NRXN3: variants seen among roughly 807,000 people sequenced by gnomAD.
NRXN3 encodes neurexin 3, also known as neurexin III.
NRXN3 carries 32 observed loss-of-function variants against 137.6 expected under a neutral mutation model. The ratio of observed to expected loss-of-function variants is 0.23; its 90% CI spans 0.18 to 0.31. NRXN3 has a LOEUF of 0.31. Ranked by LOEUF, NRXN3 falls within the 10% of genes least tolerant of loss-of-function variation. The pLI is 1.00. For synonymous variants in NRXN3, 798 were observed against 784.5 expected (o/e 1.02, Z -0.29); for missense variants, 1,574 against 2,062.5 (o/e 0.76, Z 4.59).
intron 4 of NRXN3, among the ~76,000 whole-genome samples, chr14:78,363,315 A>T (rs542402005): frequency 1.4e-4 from 22 of 152,332 alleles, no homozygotes; most frequent in African/African-American, 5.0e-4. Context: ...TTGGCAAATG[A>T]TAGCTATGCC....
At chr14:78,299,856 C>T (rs1003892816) in intron 4 of NRXN3, among the ~76,000 whole-genome samples, 2 of 152,214 alleles carry the variant, frequency 1.3e-5, no homozygotes, top group Non-Finnish European at 2.9e-5. Flanking sequence ...GTGAATTCCT[C>T]TTTTGAGAGG....
At chr14:78,314,950 C>CCTTT (rs2078483746) in intron 4 of NRXN3, among the ~76,000 whole-genome samples, 7 of 59,530 alleles carry the variant, frequency 1.2e-4, no homozygotes, top group African/African-American at 4.6e-4. Flanking sequence ...TTTCTTCCTT[C>CCTTT]CTTCCTTCCT....
intron 4 of NRXN3, among the ~76,000 whole-genome samples, chr14:78,544,710 A>G (rs2096622219): frequency 6.6e-6 from 1 of 152,234 alleles, no homozygotes; most frequent in Admixed American, 6.5e-5. Context: ...CTCTCTGGCA[A>G]CACATTACTG....
In NRXN3 at chr14:78,457,739, C is replaced by A. The variant is rs528180793; in HGVS notation, c.757+159879C>A. Among the ~76,000 whole-genome samples the A allele has an allele frequency of 3.3e-5, 5 of 152,218 alleles. No individual in the cohort carries two copies. In the East Asian group the frequency reaches 9.7e-4, roughly 29 times the overall value. On this transcript the variant is annotated intron_variant, in intron 4 of 20. Coordinates refer to ENST00000335750, the MANE Select transcript of NRXN3 (RefSeq NM_001330195.2). The stretch of plus-strand genomic sequence containing the variant: ...GATATATATGTGTGTATAGATATAT[C>A]TGTATATGTGCATACACACGTACCC...
At chr14:78,260,637 A>G (rs148870125) in intron 2 of NRXN3, among the ~76,000 whole-genome samples, 239 of 152,306 alleles carry the variant, frequency 1.6e-3, no homozygotes, top group African/African-American at 5.6e-3. Flanking sequence ...ATGATAGTGA[A>G]TAAGTCCCCC....
At chr14:78,794,665 C>G (rs58586783) in intron 8 of NRXN3, among the ~76,000 whole-genome samples, 2 of 150,356 alleles carry the variant, frequency 1.3e-5, no homozygotes, top group African/African-American at 4.9e-5. Flanking sequence ...AGAAAAGTAC[C>G]TAGAAATATG....
intron 16 of NRXN3, among the ~76,000 whole-genome samples, chr14:79,604,783 G>A (rs1218401570): frequency 6.6e-6 from 1 of 152,090 alleles, no homozygotes; most frequent in Non-Finnish European, 1.5e-5. Context: ...TATAATCCCA[G>A]CACTTTGGGA....
chr14:79,025,740 T>C (rs1297637617), intron 15 of NRXN3, among the ~76,000 whole-genome samples: 2 of 152,200 alleles, frequency 1.3e-5, no homozygotes, highest in African/African-American at 2.4e-5. Flanking sequence ...GATGGGTGAC[T>C]GTTCAGCTGA....
rs141322779 is a variant in NRXN3 at position 79,340,753 on chromosome 14, C to T, written c.3263-126468C>T. Among the ~76,000 whole-genome samples the T allele has an allele frequency of 7.4e-3, 1,122 of 152,318 alleles. 12 individuals carry two copies. The highest frequency in any genetic ancestry group is 0.025 in the African/African-American group (1,056 of 41,578). On this transcript the variant is annotated intron_variant, in intron 15 of 20. Coordinates refer to ENST00000335750, the MANE Select transcript of NRXN3 (RefSeq NM_001330195.2). ...TGCTGGGATTACAGGCGTAAGCCAC[C>T]GCGCCTGGCCTGACATTGTTTAATT...
rs141547277 is a variant in NRXN3, at chr14:79,463,059, G to A, written c.3263-4162G>A. Among the ~76,000 whole-genome samples, 402 of 152,028 alleles carry A rather than the reference G, an allele frequency of 2.6e-3. 3 individuals carry two copies. In the Middle Eastern group the frequency reaches 0.065, roughly 24 times the overall value. Reference sequence around the variant, plus strand: ...CCCATGCCATAAAGGCAGGGCCAGGGGGTTTCTAAGTCAAAACAACAACAA... The same window carrying A: ...CCCATGCCATAAAGGCAGGGCCAGGAGGTTTCTAAGTCAAAACAACAACAA... On this transcript the variant is annotated intron_variant, in intron 15 of 20. Coordinates refer to ENST00000335750, the MANE Select transcript of NRXN3 (RefSeq NM_001330195.2).
chr14:79,273,517 C>T lies in NRXN3; in HGVS notation c.3263-193704C>T, dbSNP rs189309701. ...GGCGTGGTGGTGGGCACCTGTAGTC[C>T]CAGCTACTTGGAAGGCTGAGGCAGG... is the stretch of plus-strand genomic sequence containing the variant. On this transcript the variant is annotated intron_variant, in intron 15 of 20. Coordinates refer to ENST00000335750, the MANE Select transcript of NRXN3 (RefSeq NM_001330195.2). Among the ~76,000 whole-genome samples the T allele has an allele frequency of 3.7e-3, 562 of 151,960 alleles. 4 individuals carry two copies. Among genetic ancestry groups the T allele is most frequent in the African/African-American group, 0.013 (539 of 41,440 alleles).
chr14:78,478,758 G>A (rs1242407998), intron 4 of NRXN3, among the ~76,000 whole-genome samples: 2 of 152,164 alleles, frequency 1.3e-5, no homozygotes, highest in Non-Finnish European at 1.5e-5. Context: ...GGAAAAAGAA[G>A]ACCGAGGGTA....
At chr14:79,706,979 C>T (rs114541934) in intron 19 of NRXN3, among the ~76,000 whole-genome samples, 2,908 of 152,198 alleles carry the variant, frequency 0.019, 80 homozygotes, top group African/African-American at 0.066. Context: ...TTGTCGCCAC[C>T]GGACTTCGGG....
At chr14:79,178,938 G>A (rs949309971) in intron 15 of NRXN3, among the ~76,000 whole-genome samples, 1 of 152,092 alleles carries the variant, frequency 6.6e-6, no homozygotes, top group Admixed American at 6.5e-5. Flanking sequence ...CATTTTCCTT[G>A]GTGAAGGACC....
chr14:78,584,319 A>G (rs2097036854), intron 4 of NRXN3, among the ~76,000 whole-genome samples: 1 of 152,220 alleles, frequency 6.6e-6, no homozygotes, highest in South Asian at 2.1e-4. Flanking sequence ...CAGTGGATCT[A>G]AAATGCGACT....
intron 6 of NRXN3, among the ~76,000 whole-genome samples, chr14:78,680,468 G>A (rs144811065): frequency 9.7e-4 from 148 of 152,266 alleles, no homozygotes; most frequent in African/African-American, 3.5e-3. Context: ...AGGTTCTTGA[G>A]CAGAAACTGT....
At chr14:79,800,633 G>T (rs1277650914) in intron 19 of NRXN3, among the ~76,000 whole-genome samples, 1 of 152,188 alleles carries the variant, frequency 6.6e-6, no homozygotes, top group East Asian at 1.9e-4. Context: ...TTCTGAGTCT[G>T]AGTCTATCTG....
chr14:78,702,558 C>T (rs557358067), intron 6 of NRXN3, among the ~76,000 whole-genome samples: 4 of 151,416 alleles, frequency 2.6e-5, no homozygotes, highest in Admixed American at 2.6e-4. Context: ...GATTCTCCCA[C>T]TGCAGGATCC....
At chr14:78,923,369 C>A (rs31351) in intron 10 of NRXN3, among the ~76,000 whole-genome samples, 42,158 of 152,052 alleles carry the variant, frequency 0.28, 8,775 homozygotes, top group African/African-American at 0.57. Context: ...TGAGTATGTT[C>A]GATGCACTAA....
Sources: allele counts gnomAD v4.1 joint callset (sites outside exome capture counted in the v4.1 genomes callset), GRCh38; gene constraint gnomAD v4.1.1; transcripts MANE v1.5; gene names NCBI Gene and HGNC (gene_info 2026-07-23, HGNC 2026-07-21).